The following USH2A variants were observed in gnomAD, a reference collection of about 807,000 sequenced individuals.
USH2A encodes usherin.
In USH2A, 443 loss-of-function variants were observed where a neutral mutation model predicts 538.9. The observed-to-expected ratio is 0.82, with a 90% CI of 0.76 to 0.89. USH2A has a LOEUF of 0.89. Ranked by LOEUF, USH2A falls within the 40% of genes least tolerant of loss-of-function variation. The probability of loss-of-function intolerance (pLI) is 0.00; values close to 1 mark genes in which losing one functional copy is unlikely to be tolerated. For synonymous variants in USH2A, 2,413 were observed against 2,273.5 expected, an observed-to-expected ratio of 1.06 and a Z score of -1.75; for missense variants, 6,633 against 6,324.8, an observed-to-expected ratio of 1.05 and a Z score of -1.65.
At chr1:216,136,918 C>T (rs75388019) in intron 21 of USH2A, among the ~76,000 whole-genome samples, 2,046 of 152,288 alleles carry the variant, frequency 0.013, 21 homozygotes, top group Non-Finnish European at 0.021. Context: ...ATCTTTTTCT[C>T]GAACTTCTAG....
In USH2A at chr1:216,111,587, A is replaced by G. The variant is rs564055504; in HGVS notation, c.4628-14374T>C. On this transcript the variant is annotated intron_variant, in intron 21 of 71. Transcript: ENST00000307340. The stretch of plus-strand genomic sequence containing the variant: ...ACTCAGTTTAAAAAAACTATCAGAA[A>G]CTTTAAAAAACGCTTTATTAAACTA... Among the ~76,000 whole-genome samples, 223 of 152,130 alleles carry G rather than the reference A, an allele frequency of 1.5e-3. 1 individual carries two copies. The highest frequency in any genetic ancestry group is 5.2e-3 in the African/African-American group (216 of 41,524).
intron 32 of USH2A, among the ~76,000 whole-genome samples, chr1:216,044,024 C>CCTT (rs10681179): frequency 0.49 from 74,628 of 151,462 alleles, 18,380 homozygotes; most frequent in African/African-American, 0.54. Context: ...TTCTTTCACT[C>CCTT]TAACACTTTT....
intron 61 of USH2A, among the ~76,000 whole-genome samples, chr1:215,710,613 A>T (rs997917012): frequency 1.3e-5 from 2 of 152,132 alleles, no homozygotes; most frequent in African/African-American, 4.8e-5. Context: ...ACTCAATTTG[A>T]GGGTTCAAAA....
chr1:215,703,793 G>A (rs1659102157), intron 61 of USH2A, among the ~76,000 whole-genome samples: 1 of 152,146 alleles, frequency 6.6e-6, no homozygotes. Context: ...CGGCTCCCTG[G>A]CTTCAGCCCC....
intron 21 of USH2A, among the ~76,000 whole-genome samples, chr1:216,120,845 C>T (rs936032425): frequency 1.3e-5 from 2 of 151,608 alleles, no homozygotes; most frequent in Non-Finnish European, 2.9e-5. Flanking sequence ...AGTGAGACTC[C>T]GTCTCAAAAA....
chr1:215,674,438 T>C lies in USH2A; in HGVS notation c.13473A>G (p.Glu4491=). The change falls in exon 63 of 72, where the codon GAA becomes GAG. Residue 4491 remains glutamate (E), a synonymous_variant. Coordinates refer to ENST00000307340, the MANE Select transcript of USH2A (RefSeq NM_206933.4). ...RDGTIVYTGL[E]TRYRDFTLTP... ...TGAGAGTAAAATCACGATAGCGTGT[T>C]TCCAAGCCTGTATATACAATGGTTC... 1 of 1,614,146 alleles carries C rather than the reference T, an allele frequency of 6.2e-7. No individual in the cohort carries two copies. The highest frequency in any genetic ancestry group is 8.5e-7 in the Non-Finnish European group (1 of 1,180,018).
chr1:216,009,256 T>C, intron 32 of USH2A, among the ~76,000 whole-genome samples: 1 of 152,200 alleles, frequency 6.6e-6, no homozygotes, highest in East Asian at 1.9e-4. Flanking sequence ...TCCTTCACTA[T>C]GGGCAACCTT....
chr1:216,161,441 T>G (rs2102628874), intron 21 of USH2A, among the ~76,000 whole-genome samples: 1 of 152,206 alleles, frequency 6.6e-6, no homozygotes, highest in South Asian at 2.1e-4. Flanking sequence ...TTCCATAACT[T>G]TTTAGGAATT....
At chr1:216,165,868 G>A (rs548753543) in intron 21 of USH2A, among the ~76,000 whole-genome samples, 7 of 148,906 alleles carry the variant, frequency 4.7e-5, no homozygotes, top group South Asian at 2.1e-4. Context: ...ATATGAATAC[G>A]TTCTTTAGTG....
chr1:216,265,061 C>T (rs2036445674), intron 11 of USH2A, among the ~76,000 whole-genome samples: 1 of 152,058 alleles, frequency 6.6e-6, no homozygotes, highest in African/African-American at 2.4e-5. Context: ...AAACTACCAA[C>T]AAAGTGGAGA....
chr1:216,378,245 C>T (rs540907443), intron 3 of USH2A, among the ~76,000 whole-genome samples: 4 of 152,240 alleles, frequency 2.6e-5, no homozygotes, highest in African/African-American at 9.6e-5. Context: ...AAAGTTACAA[C>T]ATCTAATATT....
chr1:216,330,870 A>G (rs1253215952), intron 4 of USH2A, among the ~76,000 whole-genome samples: 1 of 152,076 alleles, frequency 6.6e-6, no homozygotes, highest in Non-Finnish European at 1.5e-5. Context: ...GGGTATTAGA[A>G]GTGGAGGTGT....
At chr1:216,400,107 T>G (rs2039280688) in intron 3 of USH2A, among the ~76,000 whole-genome samples, 1 of 152,006 alleles carries the variant, frequency 6.6e-6, no homozygotes, top group Admixed American at 6.6e-5. Context: ...ATGTTGGAAT[T>G]ATCAGGCAAG....
At chr1:216,123,755 T>C (rs1488521327) in intron 21 of USH2A, among the ~76,000 whole-genome samples, 1 of 152,184 alleles carries the variant, frequency 6.6e-6, no homozygotes, top group African/African-American at 2.4e-5. Flanking sequence ...CCCAGAAATG[T>C]GTATAATATA....
chr1:215,905,834 A>AT (rs1198800974), intron 38 of USH2A, among the ~76,000 whole-genome samples: 1 of 152,008 alleles, frequency 6.6e-6, no homozygotes, highest in Non-Finnish European at 1.5e-5. Context: ...CAGGGATTAC[A>AT]TTTTTGGCAT....
At chr1:216,211,535 C>T (rs993001652) in intron 15 of USH2A, among the ~76,000 whole-genome samples, 2 of 152,150 alleles carry the variant, frequency 1.3e-5, no homozygotes, top group Admixed American at 6.5e-5. Context: ...TATGAATAGG[C>T]TTCCTAAAGA....
intron 10 of USH2A, among the ~76,000 whole-genome samples, chr1:216,291,125 C>T (rs1328543717): frequency 6.8e-6 from 1 of 147,314 alleles, no homozygotes; most frequent in African/African-American, 2.5e-5. Flanking sequence ...CCATATAAAA[C>T]CCTTAAGTGT....
intron 32 of USH2A, among the ~76,000 whole-genome samples, chr1:216,046,005 T>TGG (rs2030502071): frequency 1.1e-5 from 1 of 94,498 alleles, no homozygotes; most frequent in Non-Finnish European, 2.2e-5. Flanking sequence ...TCTATTTATC[T>TGG]GGTGTGTGTG....
At chr1:215,630,201 G>A in intron 70 of USH2A, 2 of 477,494 alleles carry the variant, frequency 4.2e-6, no homozygotes, top group South Asian at 3.0e-5. Flanking sequence ...CAAAGTGCAT[G>A]GTGTAACTTT....
Sources: allele counts gnomAD v4.1 joint callset (sites outside exome capture counted in the v4.1 genomes callset), GRCh38; gene constraint gnomAD v4.1.1; transcripts MANE v1.5; gene names NCBI Gene and HGNC (gene_info 2026-07-23, HGNC 2026-07-21).